B3GALT1: variants seen among roughly 807,000 people sequenced by gnomAD.
The protein encoded by B3GALT1 is UDP-Gal:betaGlcNAc beta 1,3-galactosyltransferase, polypeptide 1.
A neutral mutation model predicts 23.2 loss-of-function variants in B3GALT1; 10 were observed. The ratio of observed to expected loss-of-function variants is 0.43; its 90% CI spans 0.27 to 0.73. The LOEUF is 0.73. Among genes scored for constraint, B3GALT1 ranks in the 30% least tolerant of loss-of-function variants. The pLI, the probability that B3GALT1 is intolerant of heterozygous loss-of-function variation, is 0.21. For missense variants in B3GALT1, 299 were observed against 405.4 expected (o/e 0.74, Z 2.25); for synonymous variants, 156 against 141.5 (o/e 1.10, Z -0.73).
intron 3 of B3GALT1, among the ~76,000 whole-genome samples, chr2:167,775,325 C>G (rs1315337568): frequency 6.6e-6 from 1 of 152,112 alleles, no homozygotes; most frequent in African/African-American, 2.4e-5. Context: ...AATCCCAGCA[C>G]TTTGGGAGGC....
intron 2 of B3GALT1, among the ~76,000 whole-genome samples, chr2:167,549,516 A>G (rs1355209562): frequency 6.6e-6 from 1 of 152,174 alleles, no homozygotes; most frequent in African/African-American, 2.4e-5. Flanking sequence ...CATATTAGCA[A>G]ATAATCATTG....
chr2:167,529,219 C>G lies in B3GALT1; in HGVS notation c.-410+38942C>G, dbSNP rs532190228. On this transcript the variant is annotated intron_variant, in intron 2 of 4. Transcript: ENST00000392690. ...CCTCCTATCTCACCAGTAGTTTCTT[C>G]TCAATTTTTATTACTGGCTTCTCAT... Among the ~76,000 whole-genome samples the G allele has an allele frequency of 6.5e-4, 99 of 152,222 alleles. 1 individual carries two copies. In the South Asian group the frequency reaches 0.011, roughly 17 times the overall value.
chr2:167,848,496 A>G (rs1283334234), intron 4 of B3GALT1, among the ~76,000 whole-genome samples: 2 of 152,210 alleles, frequency 1.3e-5, no homozygotes, highest in East Asian at 1.9e-4. Flanking sequence ...CAAAATTCAC[A>G]TGATGATCTC....
chr2:167,473,855 C>T (rs1699452005), intron 1 of B3GALT1, among the ~76,000 whole-genome samples: 1 of 152,124 alleles, frequency 6.6e-6, no homozygotes, highest in Admixed American at 6.6e-5. Context: ...TTTATTGCTT[C>T]AAGAACTTAA....
intron 2 of B3GALT1, among the ~76,000 whole-genome samples, chr2:167,495,032 A>G (rs1419889093): frequency 6.6e-6 from 1 of 152,168 alleles, no homozygotes; most frequent in African/African-American, 2.4e-5. Context: ...GACAAAAACA[A>G]AAAGATAAGG....
At chr2:167,493,704 A>G (rs1304822169) in intron 2 of B3GALT1, among the ~76,000 whole-genome samples, 1 of 152,166 alleles carries the variant, frequency 6.6e-6, no homozygotes, top group Non-Finnish European at 1.5e-5. Flanking sequence ...GATGATAAGA[A>G]GTGTGTTGGC....
At chr2:167,678,197 C>G (rs557459749) in intron 3 of B3GALT1, among the ~76,000 whole-genome samples, 217 of 152,290 alleles carry the variant, frequency 1.4e-3, no homozygotes, top group African/African-American at 5.0e-3. Flanking sequence ...TGTCCCCATT[C>G]CACACTATTC....
intron 4 of B3GALT1, among the ~76,000 whole-genome samples, chr2:167,836,833 G>C (rs926126912): frequency 2.2e-4 from 34 of 152,262 alleles, no homozygotes; most frequent in South Asian, 1.0e-3. Context: ...GATCTCTCGG[G>C]AGAAACTCTA....
chr2:167,710,918 A>G (rs758007194), intron 3 of B3GALT1, among the ~76,000 whole-genome samples: 3 of 152,102 alleles, frequency 2.0e-5, no homozygotes, highest in East Asian at 3.9e-4. Flanking sequence ...AATGGCAGCA[A>G]TCTTTCAAGT....
chr2:167,508,083 G>A (rs988023553), intron 2 of B3GALT1, among the ~76,000 whole-genome samples: 1 of 151,994 alleles, frequency 6.6e-6, no homozygotes, highest in African/African-American at 2.4e-5. Context: ...TCCCATTTAT[G>A]AAGACTCCAC....
chr2:167,744,987 A>G (rs1023960586), intron 3 of B3GALT1, among the ~76,000 whole-genome samples: 3 of 152,134 alleles, frequency 2.0e-5, no homozygotes, highest in Non-Finnish European at 4.4e-5. Flanking sequence ...ATTTACATTT[A>G]TTTTAATTGC....
chr2:167,642,794 A>G lies in B3GALT1; in HGVS notation c.-409-4115A>G, dbSNP rs187883704. 4.4e-3 allele frequency among the ~76,000 whole-genome samples: 675 copies of G among 152,266 alleles called. 4 individuals are homozygous for G. Among genetic ancestry groups the G allele is most frequent in the Middle Eastern group, 0.017 (5 of 294 alleles). On this transcript the variant is annotated intron_variant, in intron 2 of 4. Coordinates refer to ENST00000392690, the MANE Select transcript of B3GALT1 (RefSeq NM_020981.4). ...CCCTCTTCAGGAGTGTAAACTTTGC[A>G]AGAAGAGGGACTTCATATTTTGTGC...
intron 3 of B3GALT1, among the ~76,000 whole-genome samples, chr2:167,698,412 G>GA (rs1199896793): frequency 2.0e-5 from 3 of 152,040 alleles, no homozygotes; most frequent in African/African-American, 4.8e-5. Flanking sequence ...GGATTTAAAT[G>GA]AAAAAAGATG....
intron 1 of B3GALT1, among the ~76,000 whole-genome samples, chr2:167,338,938 A>T (rs945620720): frequency 1.3e-5 from 2 of 152,214 alleles, no homozygotes; most frequent in African/African-American, 4.8e-5. Context: ...CAGTATAATT[A>T]GATTGGCGAA....
intron 1 of B3GALT1, among the ~76,000 whole-genome samples, chr2:167,483,570 A>G (rs1699587350): frequency 6.6e-6 from 1 of 152,224 alleles, no homozygotes; most frequent in African/African-American, 2.4e-5. Context: ...TTGAGTCAGG[A>G]ATGTTGAAAT....
At chr2:167,790,032 C>T (rs1688407094) in intron 3 of B3GALT1, among the ~76,000 whole-genome samples, 1 of 152,072 alleles carries the variant, frequency 6.6e-6, no homozygotes, top group African/African-American at 2.4e-5. Flanking sequence ...TTACAAGAGA[C>T]AGGAGTTTTG....
intron 1 of B3GALT1, among the ~76,000 whole-genome samples, chr2:167,297,770 T>A (rs1323061448): frequency 6.6e-6 from 1 of 152,108 alleles, no homozygotes. Flanking sequence ...TTGCGAACAA[T>A]ATTTTCATAT....
chr2:167,656,824 T>C (rs1329728154), intron 3 of B3GALT1, among the ~76,000 whole-genome samples: 1 of 152,128 alleles, frequency 6.6e-6, no homozygotes, highest in Non-Finnish European at 1.5e-5. Context: ...AGTGTCTGGA[T>C]TTGGGGGAGA....
chr2:167,490,844 G>A (rs200760307), intron 2 of B3GALT1, among the ~76,000 whole-genome samples: 1 of 152,184 alleles, frequency 6.6e-6, no homozygotes, highest in Non-Finnish European at 1.5e-5. Context: ...AAAAAATCAA[G>A]ACATTGGGTT....
Sources: allele counts gnomAD v4.1 joint callset (sites outside exome capture counted in the v4.1 genomes callset), GRCh38; gene constraint gnomAD v4.1.1; transcripts MANE v1.5; gene names NCBI Gene and HGNC (gene_info 2026-07-23, HGNC 2026-07-21).